The following CDH8 variants were observed in gnomAD, a reference collection of about 807,000 sequenced individuals.
The protein encoded by CDH8 is cadherin 8, also known as cadherin-8.
Under a neutral mutation model 68.1 loss-of-function variants are expected in CDH8, and 17 were observed. The observed-to-expected ratio is 0.25, with a 90% CI of 0.17 to 0.37. The LOEUF (loss-of-function observed/expected upper bound fraction) is 0.37. CDH8 is among the 10% of genes least tolerant of loss of function. The pLI is 1.00. For missense variants in CDH8, 763 were observed against 999.3 expected, an observed-to-expected ratio of 0.76 and a Z score of 3.19; for synonymous variants, 372 against 365.1, an observed-to-expected ratio of 1.02 and a Z score of -0.21.
rs1303270419 is a variant in CDH8 at position 61,648,164 on chromosome 16, A to C, written c.*5444T>G. ...CCAGCATGTAATTTCTGTTTCTCTC[A>C]CATATTTGATGTGTAATTTAACCCT... On this transcript the variant is annotated 3_prime_UTR_variant, in exon 12 of 12. Transcript: ENST00000577390. 4.0e-6 allele frequency: 1 copy of C among 249,006 alleles called. No individual in the cohort carries two copies. Among genetic ancestry groups the C allele is most frequent in the Non-Finnish European group, 7.6e-6 (1 of 130,984 alleles). 15.4% of individuals were successfully genotyped at this position (249,006 alleles called of 1,614,324 possible). A position where few individuals can be genotyped will look rare whatever the true frequency, so the allele number is the denominator to read the frequency against.
intron 2 of CDH8, among the ~76,000 whole-genome samples, chr16:62,009,161 G>A (rs74021718): frequency 0.04 from 6,094 of 152,128 alleles, 268 homozygotes; most frequent in African/African-American, 0.11. Context: ...TTAATAGCAT[G>A]TTTGCTCTTT....
intron 2 of CDH8, chr16:61,918,783 GC>G (rs1156379492): frequency 1.3e-5 from 2 of 152,204 alleles, no homozygotes; most frequent in African/African-American, 4.9e-5. Context: ...AAACAAAGCA[GC>G]CGGGAAGCTC....
At chr16:62,033,296 A>T (rs1902371915) in intron 1 of CDH8, among the ~76,000 whole-genome samples, 1 of 152,200 alleles carries the variant, frequency 6.6e-6, no homozygotes, top group Non-Finnish European at 1.5e-5. Flanking sequence ...TCTACATAAT[A>T]CCCAAATAAA....
At chr16:62,025,126 G>A (rs1789914053) in intron 1 of CDH8, among the ~76,000 whole-genome samples, 1 of 152,138 alleles carries the variant, frequency 6.6e-6, no homozygotes. Flanking sequence ...TGTCGAAATA[G>A]AATTAACCAA....
At chr16:61,657,196 A>C (rs1016615758) in intron 10 of CDH8, among the ~76,000 whole-genome samples, 5 of 152,110 alleles carry the variant, frequency 3.3e-5, no homozygotes, top group African/African-American at 1.2e-4. Flanking sequence ...AAAATACTTA[A>C]CTAAGTGAGA....
intron 2 of CDH8, among the ~76,000 whole-genome samples, chr16:61,973,912 C>T (rs969675164): frequency 6.6e-6 from 1 of 152,208 alleles, no homozygotes; most frequent in Non-Finnish European, 1.5e-5. Flanking sequence ...TCACATGCTT[C>T]CCTTAGACTT....
chr16:61,965,272 C>T (rs1182080728), intron 2 of CDH8, among the ~76,000 whole-genome samples: 6 of 152,122 alleles, frequency 3.9e-5, no homozygotes, highest in African/African-American at 1.4e-4. Context: ...TTGTTTTATT[C>T]GCAGCCAATT....
intron 2 of CDH8, among the ~76,000 whole-genome samples, chr16:61,935,873 G>A (rs1290598003): frequency 6.6e-6 from 1 of 151,958 alleles, no homozygotes; most frequent in African/African-American, 2.4e-5. Context: ...TTGGTGACGG[G>A]GGCTGTCCAT....
chr16:61,851,343 GTTTCAAAAAAAGGTCAATGAA>G (rs1962933779), intron 4 of CDH8, among the ~76,000 whole-genome samples: 1 of 151,828 alleles, frequency 6.6e-6, no homozygotes, highest in Non-Finnish European at 1.5e-5. Flanking sequence ...AATGGTCTGA[GTTTCAAAAAAAGGTCAATGAA>G]TTAACTTAGT....
chr16:61,764,867 T>C (rs2142976681), intron 8 of CDH8, among the ~76,000 whole-genome samples: 1 of 152,186 alleles, frequency 6.6e-6, no homozygotes, highest in South Asian at 2.1e-4. Flanking sequence ...ATTATTGCAA[T>C]TGTAAACCTG....
rs1486421400 is a variant in CDH8, at chr16:61,652,810, C to G, written c.*798G>C. On this transcript the variant is annotated 3_prime_UTR_variant, in exon 12 of 12. Coordinates refer to ENST00000577390, the MANE Select transcript of CDH8 (RefSeq NM_001796.5). ...ATTCACGCGCTAGCAATAAAACCAT[C>G]TGTCTCTTATGTAGTCCACTGTGTG... 1.4e-6 allele frequency: 2 copies of G among 1,385,040 alleles called. No individual in the cohort carries two copies. The highest frequency in any genetic ancestry group is 5.7e-5 in the East Asian group (2 of 35,356). The allele number at this position is 1,385,040 out of a possible 1,614,324, so 85.8% of individuals were successfully genotyped here.
chr16:61,766,110 C>A (rs1409115735), intron 8 of CDH8, among the ~76,000 whole-genome samples: 1 of 151,760 alleles, frequency 6.6e-6, no homozygotes, highest in African/African-American at 2.4e-5. Flanking sequence ...ACATTGTACC[C>A]AATAGGTAGT....
rs1242786442 is a variant in CDH8, at chr16:61,650,909, A to G, written c.*2699T>C. 1 of 152,074 alleles carries G rather than the reference A, an allele frequency of 6.6e-6. No individual in the cohort carries two copies. The highest frequency in any genetic ancestry group is 1.5e-5 in the Non-Finnish European group (1 of 68,018). The allele number at this position is 152,074 out of a possible 1,614,324, so 9.4% of individuals were successfully genotyped here. ...TGTGGTGGCAAAGAAAGTCAGCAAG[A>G]GATGCAAGCTTTCATTCTGTGTTCC... On this transcript the variant is annotated 3_prime_UTR_variant, in exon 12 of 12. Transcript: ENST00000577390.
intron 3 of CDH8, among the ~76,000 whole-genome samples, chr16:61,896,701 C>A (rs1963874066): frequency 6.6e-6 from 1 of 152,042 alleles, no homozygotes; most frequent in South Asian, 2.1e-4. Context: ...CACACAGACA[C>A]CAGACATCCA....
chr16:61,706,718 A>G (rs1329892567), intron 10 of CDH8, among the ~76,000 whole-genome samples: 3 of 152,100 alleles, frequency 2.0e-5, no homozygotes, highest in African/African-American at 7.2e-5. Context: ...AACGGAAAAT[A>G]AAGTTAGGAA....
At chr16:61,998,274 T>A (rs1317603181) in intron 2 of CDH8, among the ~76,000 whole-genome samples, 2 of 152,202 alleles carry the variant, frequency 1.3e-5, no homozygotes, top group Non-Finnish European at 2.9e-5. Context: ...GTTGGAAATT[T>A]TCTGTAAATT....
At chr16:61,964,347 C>T (rs1016258892) in intron 2 of CDH8, among the ~76,000 whole-genome samples, 1 of 152,174 alleles carries the variant, frequency 6.6e-6, no homozygotes, top group African/African-American at 2.4e-5. Context: ...CCGCCCAGGA[C>T]AGGGGGTCAT....
intron 3 of CDH8, among the ~76,000 whole-genome samples, chr16:61,865,623 G>T (rs1453746366): frequency 6.6e-6 from 1 of 152,152 alleles, no homozygotes; most frequent in Admixed American, 6.6e-5. Flanking sequence ...TGGAGGCCTG[G>T]TTGTGAAAAC....
intron 8 of CDH8, among the ~76,000 whole-genome samples, chr16:61,737,894 T>A (rs758759981): frequency 6.6e-6 from 1 of 152,108 alleles, no homozygotes; most frequent in African/African-American, 2.4e-5. Context: ...ATTTCAATAA[T>A]TTTTGAGGAT....
Sources: gnomAD v4.1 joint callset for allele counts (sites outside exome capture counted in the v4.1 genomes callset) on GRCh38, gnomAD v4.1.1 for gene constraint, MANE v1.5 for transcripts, NCBI Gene and HGNC (gene_info 2026-07-23, HGNC 2026-07-21) for gene names.